The following SEMA6D variants were observed in gnomAD, a reference collection of about 807,000 sequenced individuals.
The protein encoded by SEMA6D is semaphorin-6D.
SEMA6D carries 35 observed loss-of-function variants against 106.6 expected under a neutral mutation model. The observed-to-expected ratio is 0.33, with a 90% CI of 0.25 to 0.44. SEMA6D has a LOEUF of 0.44. Ranked by LOEUF, SEMA6D falls within the 20% of genes least tolerant of loss-of-function variation. SEMA6D has a pLI of 1.00. For missense variants in SEMA6D, 1,185 were observed against 1,345.9 expected, an observed-to-expected ratio of 0.88 and a Z score of 1.87; for synonymous variants, 499 against 487.7, an observed-to-expected ratio of 1.02 and a Z score of -0.31.
chr15:47,686,678 G>A (rs2078476701), intron 4 of SEMA6D, among the ~76,000 whole-genome samples: 1 of 152,132 alleles, frequency 6.6e-6, no homozygotes, highest in African/African-American at 2.4e-5. Flanking sequence ...ATATTTCTTA[G>A]CACATGATCT....
chr15:47,442,866 A>G (rs2041923224), intron 2 of SEMA6D, among the ~76,000 whole-genome samples: 1 of 152,110 alleles, frequency 6.6e-6, no homozygotes, highest in South Asian at 2.1e-4. Flanking sequence ...TACTCATAGT[A>G]TCCTAAAATC....
Position 47,647,018 on chromosome 15 carries a change from C to T in SEMA6D, c.-55+46122C>T, listed in dbSNP as rs576048517. 5.3e-5 allele frequency among the ~76,000 whole-genome samples: 8 copies of T among 152,262 alleles called. No individual in the cohort carries two copies. In the East Asian group the frequency reaches 9.7e-4, roughly 18 times the overall value. ...ATACTCTGCTAAATCCCTAGGTGAT[C>T]GTTTTGAGGTTTTCTTTTTTTCTTT... On this transcript the variant is annotated intron_variant, in intron 4 of 19. Coordinates refer to the SEMA6D transcript ENST00000558014.
intron 1 of SEMA6D, among the ~76,000 whole-genome samples, chr15:47,401,956 C>T (rs1315349362): frequency 1.3e-5 from 2 of 152,126 alleles, no homozygotes; most frequent in African/African-American, 4.8e-5. Context: ...TTGATTGTTG[C>T]CTCCCAAGCC....
intron 15 of SEMA6D, 87 bp from the exon 16 acceptor site, chr15:47,766,529 G>C: frequency 8.8e-7 from 1 of 1,142,562 alleles, no homozygotes; most frequent in Non-Finnish European, 1.3e-6. Flanking sequence ...TTACTAATCA[G>C]TCTGTGTTCT....
chr15:47,658,022 G>A (rs2077838060), intron 4 of SEMA6D, among the ~76,000 whole-genome samples: 1 of 151,736 alleles, frequency 6.6e-6, no homozygotes, highest in South Asian at 2.1e-4. Flanking sequence ...TTACAAGCGT[G>A]AGCCACCACG....
intron 1 of SEMA6D, among the ~76,000 whole-genome samples, chr15:47,308,918 T>C (rs2036334225): frequency 6.6e-6 from 1 of 152,232 alleles, no homozygotes; most frequent in Non-Finnish European, 1.5e-5. Context: ...CTGTCAGTTA[T>C]TGATTTGGCA....
chr15:47,741,700 G>A (rs2080826664), intron 1 of SEMA6D, among the ~76,000 whole-genome samples: 1 of 151,692 alleles, frequency 6.6e-6, no homozygotes, highest in Non-Finnish European at 1.5e-5. Context: ...GGCAACAAGA[G>A]CAAAACTCCA....
intron 1 of SEMA6D, among the ~76,000 whole-genome samples, chr15:47,291,368 C>T (rs1228779963): frequency 6.6e-6 from 1 of 152,190 alleles, no homozygotes; most frequent in Non-Finnish European, 1.5e-5. Context: ...CCCTCCCTCA[C>T]GTTCAGAAAA....
At chr15:47,206,302 T>A (rs878988496) in intron 1 of SEMA6D, among the ~76,000 whole-genome samples, 1 of 152,128 alleles carries the variant, frequency 6.6e-6, no homozygotes, top group Admixed American at 6.6e-5. Context: ...CAGCACAATA[T>A]AATGAAAAAG....
At chr15:47,666,908 T>A (rs1484659938) in intron 4 of SEMA6D, among the ~76,000 whole-genome samples, 1 of 152,178 alleles carries the variant, frequency 6.6e-6, no homozygotes, top group African/African-American at 2.4e-5. Flanking sequence ...CCAACTACCC[T>A]GAGGCCACCA....
At chr15:47,341,529 T>C (rs1432782529) in intron 1 of SEMA6D, among the ~76,000 whole-genome samples, 1 of 152,216 alleles carries the variant, frequency 6.6e-6, no homozygotes, top group Non-Finnish European at 1.5e-5. Flanking sequence ...TGTATGATTG[T>C]GGACAGATTG....
In SEMA6D at chr15:47,765,013, G is replaced by A. The variant is rs576761806; in HGVS notation, c.1384G>A (p.Asp462Asn). 48 of 1,613,846 alleles carry A rather than the reference G, an allele frequency of 3.0e-5. No homozygotes were observed. The South Asian group carries it at 3.5e-4, about 12-fold the overall frequency. The change falls in exon 13 of 19, where the codon GAC becomes AAC. Residue 462 changes from aspartate (D) to asparagine (N), a missense_variant. Asp to Asn is a conservative substitution (Grantham distance 23). Transcript: ENST00000536845. ...LAKTSPFSLN[D>N]SVLLEEIEAY... is the part of the protein sequence containing the mutation. ...AAAGACCAGTCCTTTCTCTTTGAAC[G>A]ACAGCGTATTACTGGAAGAGATTGA...
chr15:47,318,109 G>A (rs887975748), intron 1 of SEMA6D, among the ~76,000 whole-genome samples: 7 of 147,588 alleles, frequency 4.7e-5, no homozygotes, highest in African/African-American at 1.2e-4. Context: ...TTGACAGTTG[G>A]CCCCTTCCCC....
chr15:47,225,176 C>A (rs1274709717), intron 1 of SEMA6D, among the ~76,000 whole-genome samples: 2 of 151,932 alleles, frequency 1.3e-5, no homozygotes, highest in Non-Finnish European at 2.9e-5. Flanking sequence ...CACCCTGCCC[C>A]CTCCATGTGC....
chr15:47,353,065 T>TTG (rs34746221), intron 1 of SEMA6D, among the ~76,000 whole-genome samples: 1,717 of 151,512 alleles, frequency 0.011, 12 homozygotes, highest in Non-Finnish European at 0.014. Flanking sequence ...GTAGTTTATT[T>TTG]TGTGTGTGTG....
intron 1 of SEMA6D, among the ~76,000 whole-genome samples, chr15:47,267,876 T>C (rs2034393198): frequency 6.6e-6 from 1 of 152,012 alleles, no homozygotes; most frequent in Non-Finnish European, 1.5e-5. Flanking sequence ...ACGTTACTTA[T>C]CTTTTTTTGT....
intron 3 of SEMA6D, among the ~76,000 whole-genome samples, chr15:47,554,301 C>T (rs991191498): frequency 6.6e-6 from 1 of 152,182 alleles, no homozygotes; most frequent in Non-Finnish European, 1.5e-5. Context: ...CCTTCACAGT[C>T]ACAAGACAAG....
chr15:47,421,018 G>C (rs1437133319), intron 2 of SEMA6D, among the ~76,000 whole-genome samples: 1 of 152,100 alleles, frequency 6.6e-6, no homozygotes, highest in Non-Finnish European at 1.5e-5. Flanking sequence ...ATATTGCAAG[G>C]ATTTTAAAGT....
intron 1 of SEMA6D, among the ~76,000 whole-genome samples, chr15:47,375,454 T>C (rs1373338160): frequency 6.6e-6 from 1 of 152,220 alleles, no homozygotes; most frequent in East Asian, 1.9e-4. Flanking sequence ...GTACCTCTGG[T>C]ATGCTTATTT....
Sources: gnomAD v4.1 joint callset for allele counts (sites outside exome capture counted in the v4.1 genomes callset) on GRCh38, gnomAD v4.1.1 for gene constraint, MANE v1.5 for transcripts, NCBI Gene and HGNC (gene_info 2026-07-23, HGNC 2026-07-21) for gene names.